KIAA1671: variants seen among roughly 807,000 people sequenced by gnomAD.
KIAA1671 encodes KIAA1671, also known as uncharacterized protein KIAA1671.
A neutral mutation model predicts 131.2 loss-of-function variants in KIAA1671; 52 were observed. The ratio of observed to expected loss-of-function variants is 0.40; its 90% CI spans 0.32 to 0.50. KIAA1671 has a LOEUF of 0.50. Among genes scored for constraint, KIAA1671 ranks in the 20% least tolerant of loss-of-function variants. KIAA1671 has a pLI of 0.73. For synonymous variants in KIAA1671, 1,003 were observed against 961.6 expected (o/e 1.04, Z -0.80); for missense variants, 2,360 against 2,364.2 (o/e 1.00, Z 0.04).
At chr22:25,192,077 G>A (rs1934687901) in intron 12 of KIAA1671, among the ~76,000 whole-genome samples, 1 of 152,104 alleles carries the variant, frequency 6.6e-6, no homozygotes, top group Non-Finnish European at 1.5e-5. Flanking sequence ...TTGGATAAGG[G>A]ATCGGGACCT....
chr22:25,109,370 A>G (rs949554485), intron 6 of KIAA1671, among the ~76,000 whole-genome samples: 12 of 152,014 alleles, frequency 7.9e-5, no homozygotes, highest in African/African-American at 2.7e-4. Context: ...GGCCTCCCAA[A>G]GTGCTGGGAT....
intron 1 of KIAA1671, among the ~76,000 whole-genome samples, chr22:24,967,791 G>C (rs1246195262): frequency 6.6e-6 from 1 of 152,208 alleles, no homozygotes; most frequent in Non-Finnish European, 1.5e-5. Flanking sequence ...AGGAGATCGA[G>C]ACCATCCTGG....
chr22:24,988,602 G>A (rs1304687751), intron 1 of KIAA1671, among the ~76,000 whole-genome samples: 3 of 151,820 alleles, frequency 2.0e-5, no homozygotes, highest in Non-Finnish European at 4.4e-5. Flanking sequence ...CAGGCATGGT[G>A]GCTAGTGCCT....
chr22:25,149,535 C>T (rs938745724), intron 6 of KIAA1671, among the ~76,000 whole-genome samples: 2 of 152,152 alleles, frequency 1.3e-5, no homozygotes, highest in African/African-American at 2.4e-5. Context: ...GTGCCCCAAG[C>T]ATCTTGCCTC....
intron 3 of KIAA1671, 115 bp downstream of exon 3, chr22:25,029,655 C>G (rs1212279334): frequency 6.7e-6 from 5 of 743,054 alleles, no homozygotes; most frequent in Non-Finnish European, 1.1e-5. Context: ...ACCCATAGCC[C>G]AAGAGGAGGT....
chr22:25,060,967 C>T (rs981885975), intron 6 of KIAA1671: 3 of 152,192 alleles, frequency 2.0e-5, no homozygotes, highest in African/African-American at 4.8e-5. Flanking sequence ...TGTGCTCTGT[C>T]CCCATTGGGC....
intron 10 of KIAA1671, among the ~76,000 whole-genome samples, chr22:25,182,813 T>C (rs1355173678): frequency 6.6e-6 from 1 of 152,156 alleles, no homozygotes; most frequent in Non-Finnish European, 1.5e-5. Context: ...CCCAGGCTCC[T>C]GAAGCCCTTG....
At position 25,029,167 on chromosome 22, in the gene KIAA1671, G is replaced by A. The variant is rs1926128083; in HGVS notation, c.1168G>A (p.Ala390Thr). The A allele has an allele frequency of 1.4e-6, 2 of 1,456,474 alleles. No individual in the cohort carries two copies. Among genetic ancestry groups the A allele is most frequent in the African/African-American group, 1.4e-5 (1 of 69,806 alleles). The allele number at this position is 1,456,474 out of a possible 1,614,324, so 90.2% of individuals were successfully genotyped here. A position where few individuals can be genotyped will look rare whatever the true frequency, so the allele number is the denominator to read the frequency against. The change falls in exon 3 of 13, where the codon GCC (alanine) becomes ACC (threonine). Residue 390 changes from alanine (A) to threonine (T), a missense_variant. Around this residue, in one of 3 missense-constraint regions of KIAA1671, gnomAD observed 1,185 missense variants for 1,126.2 expected, o/e 1.05. Coordinates refer to ENST00000358431, the MANE Select transcript of KIAA1671 (RefSeq NM_001145206.2). The stretch of plus-strand genomic sequence containing the variant: ...TGACCAGAGTCCCTGGGAAGAAAAG[G>A]CCAAGCTGGACCCAGAGCCAGAGAA... ...SNDQSPWEEK[A>T]KLDPEPEKAA...
At chr22:25,112,315 G>C (rs1341522969) in intron 6 of KIAA1671, 3 of 398,808 alleles carry the variant, frequency 7.5e-6, no homozygotes, top group Non-Finnish European at 1.3e-5. Flanking sequence ...GTGCAGAGTC[G>C]GCCAGCCGGA....
intron 6 of KIAA1671, among the ~76,000 whole-genome samples, chr22:25,159,266 G>A (rs1933353192): frequency 6.6e-6 from 1 of 152,174 alleles, no homozygotes; most frequent in Admixed American, 6.5e-5. Flanking sequence ...CTTGTCCCAT[G>A]GAGACAGCAT....
At chr22:24,966,501 T>C (rs373161245) in intron 1 of KIAA1671, among the ~76,000 whole-genome samples, 1 of 152,196 alleles carries the variant, frequency 6.6e-6, no homozygotes, top group South Asian at 2.1e-4. Context: ...CCCTTTGGCC[T>C]GGGAAGCTGC....
chr22:25,005,371 A>G (rs948917657), intron 1 of KIAA1671, among the ~76,000 whole-genome samples: 3 of 151,890 alleles, frequency 2.0e-5, no homozygotes, highest in African/African-American at 7.3e-5. Flanking sequence ...AAAAGAAAAA[A>G]AGAAATTGAA....
At chr22:25,149,219 G>C (rs1402654717) in intron 6 of KIAA1671, among the ~76,000 whole-genome samples, 11 of 152,212 alleles carry the variant, frequency 7.2e-5, no homozygotes, top group East Asian at 1.9e-4. Context: ...AGGCTGCACA[G>C]CTTCTAGGTG....
chr22:25,044,812 A>G (rs918012032), intron 5 of KIAA1671, among the ~76,000 whole-genome samples: 25 of 152,160 alleles, frequency 1.6e-4, no homozygotes, highest in African/African-American at 4.3e-4. Context: ...AATCATATAT[A>G]TATGCATAAT....
At chr22:25,180,532 G>T (rs1293588812) in intron 9 of KIAA1671, among the ~76,000 whole-genome samples, 1 of 137,390 alleles carries the variant, frequency 7.3e-6, no homozygotes, top group Non-Finnish European at 1.6e-5. Flanking sequence ...GCTAGACTCT[G>T]TCTCAAAAAA....
intron 6 of KIAA1671, among the ~76,000 whole-genome samples, chr22:25,123,213 T>G (rs1049096353): frequency 2.4e-4 from 19 of 79,712 alleles, no homozygotes; most frequent in African/African-American, 1.0e-3. Context: ...TTTTTTTTTT[T>G]TGAGATGGAG....
chr22:24,968,835 T>A (rs1054687188), intron 1 of KIAA1671, among the ~76,000 whole-genome samples: 1 of 152,222 alleles, frequency 6.6e-6, no homozygotes, highest in African/African-American at 2.4e-5. Flanking sequence ...TGATAATTTT[T>A]ATGCTCTTTT....
At chr22:24,981,700 G>C (rs1409931194) in intron 1 of KIAA1671, among the ~76,000 whole-genome samples, 1 of 152,212 alleles carries the variant, frequency 6.6e-6, no homozygotes. Context: ...CTTGAGCCAG[G>C]AGTTCAAGAT....
At chr22:25,085,433 C>A (rs894808066) in intron 6 of KIAA1671, among the ~76,000 whole-genome samples, 4 of 152,174 alleles carry the variant, frequency 2.6e-5, no homozygotes, top group Non-Finnish European at 5.9e-5. Flanking sequence ...GTCTGAATCA[C>A]CTCACTCACC....
Sources: allele counts gnomAD v4.1 joint callset (sites outside exome capture counted in the v4.1 genomes callset), GRCh38; gene constraint gnomAD v4.1.1; regional missense constraint gnomAD v4.1.1; transcripts MANE v1.5; gene names NCBI Gene and HGNC (gene_info 2026-07-23, HGNC 2026-07-21).